Variants in CPAP observed in about 807,000 individuals in gnomAD.
CPAP encodes the protein centrosomal P4.1-associated protein.
chr13:24,890,267 T>A, the CPAP span, among the ~76,000 whole-genome samples: 4 of 152,198 alleles, frequency 2.6e-5, no homozygotes, highest in Non-Finnish European at 5.9e-5. Context: ...CAGGTGTTAA[T>A]TGTACTATTC....
At chr13:24,923,076 G>C in the CPAP span, among the ~76,000 whole-genome samples, 1 of 152,218 alleles carries the variant, frequency 6.6e-6, no homozygotes, top group South Asian at 2.1e-4. Context: ...AACCGTTTCC[G>C]GGAGAGACCT....
chr13:24,884,867 C>G, the CPAP span, among the ~76,000 whole-genome samples: 1 of 152,180 alleles, frequency 6.6e-6, no homozygotes, highest in African/African-American at 2.4e-5. Context: ...GGAAAAAATT[C>G]CCTCATCACC....
the CPAP span, among the ~76,000 whole-genome samples, chr13:24,918,543 T>C: frequency 6.6e-6 from 1 of 152,198 alleles, no homozygotes; most frequent in African/African-American, 2.4e-5. Flanking sequence ...ACATATTTTG[T>C]ATGTTATGTG....
chr13:24,914,497 C>T, the CPAP span, among the ~76,000 whole-genome samples: 1 of 152,178 alleles, frequency 6.6e-6, no homozygotes, highest in African/African-American at 2.4e-5. Flanking sequence ...GCAAAATCCC[C>T]ATTATCCTCA....
the CPAP span, chr13:24,907,050 A>G: frequency 1.8e-5 from 28 of 1,599,408 alleles, no homozygotes; most frequent in African/African-American, 3.5e-4. Flanking sequence ...TAAATCTCTA[A>G]AGCCTTAGAA....
chr13:24,933,363 T>A, the CPAP span: 2 of 409,404 alleles, frequency 4.9e-6, no homozygotes, highest in Non-Finnish European at 8.9e-6. Flanking sequence ...CAATTCCACA[T>A]GTCCAGTGAG....
chr13:24,885,452 A>T, the CPAP span: 1 of 1,241,194 alleles, frequency 8.1e-7, no homozygotes, highest in Non-Finnish European at 1.2e-6. Flanking sequence ...ATTCTGATAT[A>T]GGGTTCTAGG....
the CPAP span, chr13:24,903,921 C>T: frequency 1.7e-5 from 27 of 1,613,914 alleles, no homozygotes; most frequent in Middle Eastern, 1.6e-4. Context: ...CAGACCCAAA[C>T]GTACCTGAGT....
At chr13:24,882,849 G>C in the CPAP span, 2 of 338,256 alleles carry the variant, frequency 5.9e-6, no homozygotes, top group African/African-American at 4.4e-5. Flanking sequence ...GGGACATCTA[G>C]GTGATGTACT....
chr13:24,889,184 A>G, the CPAP span: 1 of 732,570 alleles, frequency 1.4e-6, no homozygotes, highest in Non-Finnish European at 2.4e-6. Flanking sequence ...AGGAGCTTCA[A>G]TTACATTTAT....
the CPAP span, chr13:24,884,458 T>G: frequency 1.9e-6 from 3 of 1,614,056 alleles, no homozygotes; most frequent in Non-Finnish European, 2.5e-6. Context: ...TATAAACCTT[T>G]TCCACCTAAA....
At chr13:24,904,080 C>A in the CPAP span, 1 of 1,612,974 alleles carries the variant, frequency 6.2e-7, no homozygotes, top group East Asian at 2.2e-5. Context: ...GCCATAAATA[C>A]TGAACTTCAA....
At chr13:24,883,366 A>G in the CPAP span, 2 of 1,597,930 alleles carry the variant, frequency 1.3e-6, no homozygotes, top group South Asian at 1.2e-5. Context: ...GTTTGTTGCC[A>G]TCACTGTAAA....
chr13:24,885,252 A>C, the CPAP span: 6 of 1,431,538 alleles, frequency 4.2e-6, no homozygotes, highest in East Asian at 1.4e-4. Context: ...TATAGAATTC[A>C]TTATTTCAAA....
chr13:24,906,825 T>C, the CPAP span: 3 of 1,614,254 alleles, frequency 1.9e-6, no homozygotes, highest in South Asian at 2.2e-5. Flanking sequence ...TCGGAAGTGC[T>C]CTGGTTAGTC....
chr13:24,884,817 C>G, the CPAP span, among the ~76,000 whole-genome samples: 2 of 152,138 alleles, frequency 1.3e-5, no homozygotes, highest in African/African-American at 4.8e-5. Flanking sequence ...AGAAATGGAC[C>G]AGATTAGGTA....
chr13:24,894,902 C>A, the CPAP span, among the ~76,000 whole-genome samples: 1 of 152,060 alleles, frequency 6.6e-6, no homozygotes, highest in Non-Finnish European at 1.5e-5. Context: ...CCCAGACAGA[C>A]GGGAGAGGAG....
At chr13:24,909,129 T>A in the CPAP span, among the ~76,000 whole-genome samples, 1 of 152,190 alleles carries the variant, frequency 6.6e-6, no homozygotes, top group Non-Finnish European at 1.5e-5. Flanking sequence ...CTTTTCTAGA[T>A]GTTTGAAATT....
the CPAP span, among the ~76,000 whole-genome samples, chr13:24,928,614 G>C: frequency 3.3e-5 from 5 of 152,160 alleles, no homozygotes; most frequent in East Asian, 9.7e-4. Flanking sequence ...ATTTTTAGTA[G>C]AGATAGGATT....
Sources: gnomAD v4.1 joint callset for allele counts (sites outside exome capture counted in the v4.1 genomes callset) on GRCh38, gnomAD v4.1.1 for gene constraint, MANE v1.5 for transcripts, NCBI Gene and HGNC (gene_info 2026-07-23, HGNC 2026-07-21) for gene names.